The following SVOP variants were observed in gnomAD, a reference collection of about 807,000 sequenced individuals.
SVOP encodes synaptic vesicle 2-related protein.
Under a neutral mutation model 69.1 loss-of-function variants are expected in SVOP, and 17 were observed. That is an observed-to-expected ratio of 0.25 (90% confidence interval 0.17 to 0.37). SVOP has a LOEUF of 0.37. SVOP is among the 10% of genes least tolerant of loss of function. The pLI, the probability that SVOP is intolerant of heterozygous loss-of-function variation, is 1.00. For missense variants in SVOP, 435 were observed against 597.5 expected, an observed-to-expected ratio of 0.73 and a Z score of 2.84; for synonymous variants, 238 against 238.6, an observed-to-expected ratio of 1.00 and a Z score of 0.02.
chr12:108,932,497 G>A (rs1566050458), intron 11 of SVOP, among the ~76,000 whole-genome samples: 1 of 152,174 alleles, frequency 6.6e-6, no homozygotes, highest in African/African-American at 2.4e-5. Context: ...ATTAGTCTGA[G>A]ACAGCTCCAG....
At chr12:108,920,935 G>A (rs1311936654) in intron 12 of SVOP, among the ~76,000 whole-genome samples, 3 of 152,064 alleles carry the variant, frequency 2.0e-5, no homozygotes, top group South Asian at 2.1e-4. Flanking sequence ...TCATCAAAAC[G>A]ATCCTCTAAA....
intron 15 of SVOP, 74 bp from the exon 16 acceptor site, chr12:108,912,815 T>C: frequency 1.4e-6 from 2 of 1,431,618 alleles, no homozygotes; most frequent in South Asian, 1.2e-5. Flanking sequence ...CAAATAGTAT[T>C]AGTAACATCA....
chr12:108,936,970 G>A (rs2039860188), intron 10 of SVOP: 2 of 369,636 alleles, frequency 5.4e-6, no homozygotes, highest in South Asian at 6.2e-5. Context: ...GCTGAGGAGG[G>A]AGGATTGCTT....
At chr12:108,937,386 C>CTGTAG in intron 9 of SVOP, 49 bp from the exon 10 acceptor site, 1 of 1,575,676 alleles carries the variant, frequency 6.3e-7, no homozygotes, top group Non-Finnish European at 8.7e-7. Context: ...TACAGATGCA[C>CTGTAG]GGGAGATGGG....
intron 1 of SVOP, among the ~76,000 whole-genome samples, chr12:109,000,127 A>T (rs1203285675): frequency 6.6e-6 from 1 of 152,228 alleles, no homozygotes; most frequent in Non-Finnish European, 1.5e-5. Context: ...GATAAAGGGG[A>T]TATCAGCACC....
chr12:108,963,865 A>C (rs547511216), intron 5 of SVOP, among the ~76,000 whole-genome samples: 2 of 152,304 alleles, frequency 1.3e-5, no homozygotes, highest in Admixed American at 6.5e-5. Context: ...CACTGGGACA[A>C]CCACAACCAC....
rs564952569 is a variant in SVOP, at chr12:108,937,159, C to T, written c.971+105G>A. 2.2e-3 allele frequency: 2,571 copies of T among 1,164,762 alleles called. 8 individuals carry two copies. Among genetic ancestry groups the T allele is most frequent in the Non-Finnish European group, 2.6e-3 (2,023 of 776,836 alleles). 72.2% of individuals were successfully genotyped at this position (1,164,762 alleles called of 1,614,324 possible). A position where few individuals can be genotyped will look rare whatever the true frequency, so the allele number is the denominator to read the frequency against. ...TGTTCGAACTACTGAAATTTGCAAA[C>T]GCTGCCTGAAATCAAAGTGCTATCT... On this transcript the variant is annotated intron_variant, in intron 10 of 15. Transcript: ENST00000610966.
Position 108,908,256 on chromosome 12 carries a change from C to T in SVOP, c.*4279G>A, listed in dbSNP as rs2039660137. On this transcript the variant is annotated 3_prime_UTR_variant, in exon 16 of 16. Transcript: ENST00000610966. ...TTCAGAGGGGCAGCTGTCTTGGGCC[C>T]CAGTGGTTTCCCAGATCCCTGTTCC... 1.3e-5 allele frequency: 2 copies of T among 152,228 alleles called. No homozygotes were observed. The highest frequency in any genetic ancestry group is 1.3e-4 in the Admixed American group (2 of 15,270). 9.4% of individuals were successfully genotyped at this position (152,228 alleles called of 1,614,324 possible).
intron 6 of SVOP, among the ~76,000 whole-genome samples, chr12:108,951,575 T>G (rs1037737048): frequency 6.6e-6 from 1 of 152,192 alleles, no homozygotes; most frequent in Non-Finnish European, 1.5e-5. Flanking sequence ...AATCTGGGAT[T>G]CTACATGTGA....
chr12:108,982,737 TCATCAC>T (rs2040145132), intron 2 of SVOP, among the ~76,000 whole-genome samples: 1 of 150,626 alleles, frequency 6.6e-6, no homozygotes, highest in African/African-American at 2.4e-5. Flanking sequence ...ATCACTATCA[TCATCAC>T]CATCATCATC....
intron 8 of SVOP, among the ~76,000 whole-genome samples, chr12:108,939,182 TAA>T (rs1446335533): frequency 6.6e-6 from 1 of 152,218 alleles, no homozygotes; most frequent in East Asian, 1.9e-4. Flanking sequence ...ATGTGAATGA[TAA>T]GAGATCCTAC....
intron 13 of SVOP, among the ~76,000 whole-genome samples, chr12:108,918,489 A>G (rs764773908): frequency 1.3e-5 from 2 of 152,192 alleles, no homozygotes; most frequent in African/African-American, 2.4e-5. Flanking sequence ...ACTATTTAGT[A>G]TTCTTAGGAT....
chr12:108,960,046 G>T (rs2040008782), intron 6 of SVOP, among the ~76,000 whole-genome samples: 1 of 152,192 alleles, frequency 6.6e-6, no homozygotes, highest in African/African-American at 2.4e-5. Flanking sequence ...GTTTAGAACA[G>T]CACCTGCCAC....
Position 108,941,453 on chromosome 12 carries a change from G to A in SVOP, c.643-544C>T, listed in dbSNP as rs932876498. The stretch of plus-strand genomic sequence containing the variant: ...GTTTCCCAGGCCTCCTGGGCTCCTC[G>A]GCCTCCCAAAGCGCTGGGATTACAG... On this transcript the variant is annotated intron_variant, in intron 7 of 15. Transcript: ENST00000610966. Among the ~76,000 whole-genome samples the A allele has an allele frequency of 6.6e-5, 10 of 152,064 alleles. 1 individual carries two copies. Among genetic ancestry groups the A allele is most frequent in the Non-Finnish European group, 4.4e-5 (3 of 67,994 alleles).
At chr12:108,986,133 T>C (rs2040164767) in intron 1 of SVOP, among the ~76,000 whole-genome samples, 1 of 152,218 alleles carries the variant, frequency 6.6e-6, no homozygotes, top group Non-Finnish European at 1.5e-5. Context: ...CAGTCACCTC[T>C]AATAGAATCA....
chr12:108,997,785 G>A (rs1328232785), intron 1 of SVOP, among the ~76,000 whole-genome samples: 1 of 151,606 alleles, frequency 6.6e-6, no homozygotes, highest in Non-Finnish European at 1.5e-5. Context: ...AAACAGAAAG[G>A]ACATTCACAC....
chr12:108,959,729 TC>T (rs920601955), intron 6 of SVOP, among the ~76,000 whole-genome samples: 1 of 152,214 alleles, frequency 6.6e-6, no homozygotes, highest in Non-Finnish European at 1.5e-5. Flanking sequence ...AGCTACGGCT[TC>T]CTCTTTTCAT....
chr12:109,001,458 T>C (rs1333789186), intron 1 of SVOP, among the ~76,000 whole-genome samples: 2 of 148,838 alleles, frequency 1.3e-5, no homozygotes, highest in Admixed American at 6.8e-5. Flanking sequence ...GAAAAAACTA[T>C]TTTAAAGTTC....
chr12:108,958,527 C>T (rs953590869), intron 6 of SVOP, among the ~76,000 whole-genome samples: 2 of 152,184 alleles, frequency 1.3e-5, no homozygotes, highest in Admixed American at 6.5e-5. Flanking sequence ...GATGTTTGCA[C>T]GGTGACAAAA....
Sources: gnomAD v4.1 joint callset for allele counts (sites outside exome capture counted in the v4.1 genomes callset) on GRCh38, gnomAD v4.1.1 for gene constraint, MANE v1.5 for transcripts, NCBI Gene and HGNC (gene_info 2026-07-23, HGNC 2026-07-21) for gene names.